The following ATP8B4 variants were observed in gnomAD, a reference collection of about 807,000 sequenced individuals.
The protein encoded by ATP8B4 is probable phospholipid-transporting ATPase IM.
In ATP8B4, 133 loss-of-function variants were observed where a neutral mutation model predicts 145.6. That is an observed-to-expected ratio of 0.91 (90% CI 0.79 to 1.05). The LOEUF (loss-of-function observed/expected upper bound fraction) is 1.05, where lower values mean the gene tolerates loss of function less well. ATP8B4 is among the 50% of genes least tolerant of loss of function. The pLI is 0.00. For synonymous variants in ATP8B4, 507 were observed against 492.9 expected, an observed-to-expected ratio of 1.03 and a Z score of -0.38; for missense variants, 1,458 against 1,425.2, an observed-to-expected ratio of 1.02 and a Z score of -0.37.
intron 14 of ATP8B4, among the ~76,000 whole-genome samples, chr15:49,956,892 T>C (rs950354896): frequency 6.6e-6 from 1 of 152,068 alleles, no homozygotes; most frequent in South Asian, 2.1e-4. Context: ...GAGGGTGAAC[T>C]TCAGCCAAAT....
At chr15:50,024,582 C>A (rs1567217535) in intron 6 of ATP8B4, among the ~76,000 whole-genome samples, 1 of 152,156 alleles carries the variant, frequency 6.6e-6, no homozygotes, top group Admixed American at 6.5e-5. Context: ...TACTCTTCGT[C>A]GTCCAGGCAA....
At chr15:50,016,043 C>G (rs894535628) in intron 6 of ATP8B4, among the ~76,000 whole-genome samples, 2 of 152,144 alleles carry the variant, frequency 1.3e-5, no homozygotes, top group African/African-American at 4.8e-5. Flanking sequence ...CTTACAGATG[C>G]CCTGCCTAAT....
At chr15:49,877,670 C>G (rs1219986427) in intron 24 of ATP8B4, among the ~76,000 whole-genome samples, 1 of 144,786 alleles carries the variant, frequency 6.9e-6, no homozygotes, top group East Asian at 1.9e-4. Context: ...TATCTTAAAC[C>G]TGTTACTTAA....
At chr15:50,009,101 T>C (rs1335765005) in intron 7 of ATP8B4, among the ~76,000 whole-genome samples, 1 of 152,140 alleles carries the variant, frequency 6.6e-6, no homozygotes, top group Non-Finnish European at 1.5e-5. Context: ...CCAAAACTCT[T>C]TCACTGTAAT....
intron 20 of ATP8B4, among the ~76,000 whole-genome samples, chr15:49,906,387 C>A (rs895728556): frequency 6.6e-5 from 10 of 152,168 alleles, no homozygotes; most frequent in African/African-American, 2.4e-4. Context: ...ACAAGTAGTT[C>A]ACATTTCTCC....
At chr15:49,959,337 T>C (rs2043858201) in intron 14 of ATP8B4, among the ~76,000 whole-genome samples, 2 of 152,046 alleles carry the variant, frequency 1.3e-5, no homozygotes, top group African/African-American at 4.8e-5. Flanking sequence ...ATTCCAAAAA[T>C]ATATCTATTC....
chr15:50,095,588 C>G lies in ATP8B4; in HGVS notation c.28+11351G>C, dbSNP rs1305309750. ...CCTGAACAGTATAGTGAGACCCTAT[C>G]TTTACAAAAAATTAAAAAACTAGCC... On this transcript the variant is annotated intron_variant, in intron 2 of 27. Coordinates refer to ENST00000284509, the MANE Select transcript of ATP8B4 (RefSeq NM_024837.4). Among the ~76,000 whole-genome samples, 3 of 152,134 alleles carry G rather than the reference C, an allele frequency of 2.0e-5. No homozygotes were observed. In the East Asian group the frequency reaches 5.8e-4, roughly 29 times the overall value.
At chr15:49,946,409 C>A (rs1430512386) in intron 14 of ATP8B4, among the ~76,000 whole-genome samples, 1 of 152,206 alleles carries the variant, frequency 6.6e-6, no homozygotes, top group African/African-American at 2.4e-5. Flanking sequence ...CCTTAACACA[C>A]TTCCCAGTTC....
chr15:50,174,180 C>T (rs1482676465), intron 1 of ATP8B4, among the ~76,000 whole-genome samples: 1 of 152,128 alleles, frequency 6.6e-6, no homozygotes, highest in Non-Finnish European at 1.5e-5. Context: ...AACCCACAGC[C>T]AGCATAATAC....
intron 3 of ATP8B4, among the ~76,000 whole-genome samples, chr15:50,050,510 T>A (rs2153611986): frequency 6.6e-6 from 1 of 152,274 alleles, no homozygotes; most frequent in East Asian, 1.9e-4. Flanking sequence ...AAATATTTAA[T>A]CTTGAGTATA....
intron 2 of ATP8B4, among the ~76,000 whole-genome samples, chr15:50,105,981 T>C (rs1241898711): frequency 6.6e-6 from 1 of 152,214 alleles, no homozygotes; most frequent in Non-Finnish European, 1.5e-5. Flanking sequence ...ATTGGGAATA[T>C]GAATATATTG....
intron 1 of ATP8B4, among the ~76,000 whole-genome samples, chr15:50,152,395 T>G (rs1176211028): frequency 2.6e-5 from 4 of 152,130 alleles, no homozygotes; most frequent in Non-Finnish European, 1.5e-5. Flanking sequence ...TCTAAGAGTT[T>G]TATACAATTT....
Position 50,047,378 on chromosome 15 carries a change from G to A in ATP8B4, c.174C>T (p.Ala58=). The A allele has an allele frequency of 6.3e-7, 1 of 1,585,312 alleles. No individual in the cohort carries two copies. Among genetic ancestry groups the A allele is most frequent in the Non-Finnish European group, 8.7e-7 (1 of 1,154,076 alleles). Residue 58 remains alanine (A), a synonymous_variant, in exon 4 of 28, where the codon GCC becomes GCT. Transcript: ENST00000284509. ...LFEQFQRVAN[A]YFLCLLILQL... ...GTAAAATCAGAAGGCAAAGAAAATAGGCATTTGCCACTCTTTGGAACTGTT... is the reference window on the plus strand; with the variant it reads ...GTAAAATCAGAAGGCAAAGAAAATAAGCATTTGCCACTCTTTGGAACTGTT...
At chr15:49,867,487 G>C (rs1368214885) in intron 25 of ATP8B4, among the ~76,000 whole-genome samples, 1 of 152,136 alleles carries the variant, frequency 6.6e-6, no homozygotes, top group Non-Finnish European at 1.5e-5. Context: ...TCTGAAAACA[G>C]CCCTGCCATC....
chr15:50,069,030 C>T (rs2053560923), intron 3 of ATP8B4, among the ~76,000 whole-genome samples: 1 of 152,178 alleles, frequency 6.6e-6, no homozygotes, highest in Non-Finnish European at 1.5e-5. Context: ...CAATTATTAA[C>T]ATTAACATAT....
intron 25 of ATP8B4, among the ~76,000 whole-genome samples, chr15:49,874,794 T>C (rs2034152354): frequency 6.6e-6 from 1 of 152,170 alleles, no homozygotes; most frequent in Non-Finnish European, 1.5e-5. Flanking sequence ...CTAAACAATG[T>C]TTTTAAAATG....
At chr15:50,015,119 C>T (rs889377828) in intron 6 of ATP8B4, among the ~76,000 whole-genome samples, 8 of 152,064 alleles carry the variant, frequency 5.3e-5, no homozygotes, top group Admixed American at 5.2e-4. Context: ...ATGAAATATG[C>T]TGTAAGTTAC....
At chr15:49,913,062 T>C (rs2039392392) in intron 20 of ATP8B4, among the ~76,000 whole-genome samples, 1 of 151,108 alleles carries the variant, frequency 6.6e-6, no homozygotes, top group Non-Finnish European at 1.5e-5. Context: ...GCCCCGGAGG[T>C]CGATGCTGCA....
chr15:50,028,554 A>T (rs1472106015), intron 6 of ATP8B4, among the ~76,000 whole-genome samples: 2 of 152,178 alleles, frequency 1.3e-5, no homozygotes, highest in Non-Finnish European at 2.9e-5. Flanking sequence ...TTTTGCTCAC[A>T]CACCTTACCC....
Sources: gnomAD v4.1 joint callset for allele counts (sites outside exome capture counted in the v4.1 genomes callset) on GRCh38, gnomAD v4.1.1 for gene constraint, MANE v1.5 for transcripts, NCBI Gene and HGNC (gene_info 2026-07-23, HGNC 2026-07-21) for gene names.